CCDC85A: variants seen among roughly 807,000 people sequenced by gnomAD.
The protein encoded by CCDC85A is coiled-coil domain-containing protein 85A.
In CCDC85A, 38 loss-of-function variants were observed where a neutral mutation model predicts 50.2. The ratio of observed to expected loss-of-function variants is 0.76; its 90% CI spans 0.58 to 0.99. CCDC85A has a LOEUF of 0.99. CCDC85A is among the 50% of genes least tolerant of loss of function. The pLI is 0.00. For synonymous variants in CCDC85A, 366 were observed against 301.4 expected (o/e 1.21, Z -2.22); for missense variants, 820 against 742.0 (o/e 1.11, Z -1.22).
chr2:56,309,172 A>G (rs1364431005), intron 2 of CCDC85A, among the ~76,000 whole-genome samples: 3 of 152,224 alleles, frequency 2.0e-5, no homozygotes, highest in African/African-American at 7.2e-5. Flanking sequence ...ATAGCCATCT[A>G]TAGAGTAAAA....
At position 56,380,076 on chromosome 2, in the gene CCDC85A, A is replaced by G. The variant is rs1676513614; in HGVS notation, c.1572+4141A>G. ...AGATGATCAGCCAATTCTGTATTCC[A>G]GAAGACTCTACAAACATTTGCTAAT... On this transcript the variant is annotated intron_variant, in intron 5 of 5. Transcript: ENST00000407595. 2.0e-5 allele frequency among the ~76,000 whole-genome samples: 3 copies of G among 152,210 alleles called. No homozygotes were observed. In the South Asian group the frequency reaches 6.2e-4, roughly 31 times the overall value.
At chr2:56,295,032 A>G (rs967949010) in intron 2 of CCDC85A, among the ~76,000 whole-genome samples, 1 of 152,164 alleles carries the variant, frequency 6.6e-6, no homozygotes, top group Non-Finnish European at 1.5e-5. Context: ...GAATCAAAAC[A>G]TTGTGTTTAT....
At chr2:56,292,675 A>C (rs1671770455) in intron 2 of CCDC85A, among the ~76,000 whole-genome samples, 1 of 152,198 alleles carries the variant, frequency 6.6e-6, no homozygotes, top group South Asian at 2.1e-4. Flanking sequence ...TATATGATTC[A>C]TTCTGGCTTA....
chr2:56,379,388 A>G (rs561540032), intron 5 of CCDC85A, among the ~76,000 whole-genome samples: 18 of 152,270 alleles, frequency 1.2e-4, no homozygotes, highest in African/African-American at 4.3e-4. Context: ...ATAGTTAATT[A>G]TATTGGTCAT....
chr2:56,369,762 C>A (rs1347222078), intron 3 of CCDC85A, among the ~76,000 whole-genome samples: 4 of 151,962 alleles, frequency 2.6e-5, no homozygotes, highest in Non-Finnish European at 5.9e-5. Context: ...TTTCCCATTT[C>A]CCCCTTTTTC....
At chr2:56,309,556 G>T (rs957776172) in intron 2 of CCDC85A, among the ~76,000 whole-genome samples, 7 of 152,188 alleles carry the variant, frequency 4.6e-5, no homozygotes, top group African/African-American at 1.7e-4. Flanking sequence ...CAGTAAAAGT[G>T]ATTTTACAAA....
At chr2:56,266,066 G>A (rs944281029) in intron 2 of CCDC85A, among the ~76,000 whole-genome samples, 1 of 152,284 alleles carries the variant, frequency 6.6e-6, no homozygotes, top group South Asian at 2.1e-4. Context: ...ATTGCATGAT[G>A]TCACTTACAT....
At chr2:56,352,546 A>G (rs758989168) in intron 3 of CCDC85A, among the ~76,000 whole-genome samples, 3 of 152,090 alleles carry the variant, frequency 2.0e-5, no homozygotes, top group Non-Finnish European at 4.4e-5. Context: ...GGGTCCCACC[A>G]TGTTGGCCAG....
intron 3 of CCDC85A, among the ~76,000 whole-genome samples, chr2:56,352,450 A>T (rs887105239): frequency 1.2e-4 from 18 of 152,008 alleles, no homozygotes; most frequent in Non-Finnish European, 1.5e-5. Context: ...GGTTCGAGTG[A>T]TTCTCCTGCC....
At chr2:56,282,277 A>G (rs1394305958) in intron 2 of CCDC85A, among the ~76,000 whole-genome samples, 1 of 152,158 alleles carries the variant, frequency 6.6e-6, no homozygotes, top group Non-Finnish European at 1.5e-5. Context: ...CTGTCCTTAC[A>G]TTAATACAAC....
At chr2:56,305,398 G>A (rs1672398899) in intron 2 of CCDC85A, among the ~76,000 whole-genome samples, 2 of 152,170 alleles carry the variant, frequency 1.3e-5, no homozygotes, top group South Asian at 4.1e-4. Context: ...ACCTGCCCCA[G>A]GTCAAACAGC....
At chr2:56,267,839 C>T (rs1364397491) in intron 2 of CCDC85A, among the ~76,000 whole-genome samples, 3 of 152,294 alleles carry the variant, frequency 2.0e-5, no homozygotes, top group Middle Eastern at 3.4e-3. Flanking sequence ...TCTGAAATTT[C>T]TCCTTGAACC....
intron 2 of CCDC85A, among the ~76,000 whole-genome samples, chr2:56,290,884 C>T (rs372116836): frequency 7.4e-4 from 112 of 152,200 alleles, no homozygotes; most frequent in African/African-American, 2.5e-3. Context: ...TGGGTTAAAA[C>T]AAAGTCAGGT....
rs191038754 is a variant in CCDC85A at position 56,385,088 on chromosome 2, A to G, written c.*733A>G. 437 of 152,224 alleles carry G rather than the reference A, an allele frequency of 2.9e-3. 1 individual carries two copies. Among genetic ancestry groups the G allele is most frequent in the Non-Finnish European group, 5.0e-3 (342 of 67,780 alleles). The allele number at this position is 152,224 out of a possible 1,614,324, so 9.4% of individuals were successfully genotyped here. A position where few individuals can be genotyped will look rare whatever the true frequency, so the allele number is the denominator to read the frequency against. On this transcript the variant is annotated 3_prime_UTR_variant, in exon 6 of 6. Coordinates refer to ENST00000407595, the MANE Select transcript of CCDC85A (RefSeq NM_001080433.2). ...ATCTTAATGAGTTTCTCATAAAGAC[A>G]CATCTTGGGGCATACCAACCTTCAT...
At chr2:56,332,590 A>T (rs932869368) in intron 2 of CCDC85A, among the ~76,000 whole-genome samples, 7 of 151,308 alleles carry the variant, frequency 4.6e-5, no homozygotes, top group Non-Finnish European at 8.8e-5. Context: ...AGGCCATAGC[A>T]CTCCCCAACA....
chr2:56,272,451 G>A (rs1322972765), intron 2 of CCDC85A, among the ~76,000 whole-genome samples: 1 of 152,200 alleles, frequency 6.6e-6, no homozygotes, highest in Non-Finnish European at 1.5e-5. Flanking sequence ...CATAGGAGCA[G>A]TGAGTTTTGG....
intron 2 of CCDC85A, among the ~76,000 whole-genome samples, chr2:56,251,424 C>T (rs1669752236): frequency 6.6e-6 from 1 of 152,182 alleles, no homozygotes; most frequent in African/African-American, 2.4e-5. Flanking sequence ...GAATAGTGGC[C>T]TTGCCAGTTT....
intron 2 of CCDC85A, among the ~76,000 whole-genome samples, chr2:56,264,128 C>T (rs1158693659): frequency 6.6e-6 from 1 of 152,142 alleles, no homozygotes; most frequent in Non-Finnish European, 1.5e-5. Context: ...AACAGACTTG[C>T]CTTAGGTGAT....
intron 2 of CCDC85A, among the ~76,000 whole-genome samples, chr2:56,200,330 G>A (rs1676683278): frequency 2.0e-5 from 3 of 152,160 alleles, no homozygotes; most frequent in Admixed American, 2.0e-4. Context: ...AGCATATTTG[G>A]AAAATATATT....
Sources: gnomAD v4.1 joint callset for allele counts (sites outside exome capture counted in the v4.1 genomes callset) on GRCh38, gnomAD v4.1.1 for gene constraint, MANE v1.5 for transcripts, NCBI Gene and HGNC (gene_info 2026-07-23, HGNC 2026-07-21) for gene names.